Variants in KCNK10 observed in about 807,000 individuals in gnomAD.
KCNK10 encodes the protein potassium channel subfamily K member 10.
A neutral mutation model predicts 47.7 loss-of-function variants in KCNK10; 25 were observed. The observed-to-expected ratio is 0.52, with a 90% CI of 0.38 to 0.73. The LOEUF (loss-of-function observed/expected upper bound fraction) is 0.73, where lower values mean the gene tolerates loss of function less well. KCNK10 is among the 30% of genes least tolerant of loss of function. The pLI is 0.00. For synonymous variants in KCNK10, 303 were observed against 285.6 expected (o/e 1.06, Z -0.61); for missense variants, 563 against 714.5 (o/e 0.79, Z 2.42).
chr14:88,215,557 T>A (rs768726075), intron 4 of KCNK10, among the ~76,000 whole-genome samples: 1 of 152,174 alleles, frequency 6.6e-6, no homozygotes, highest in Non-Finnish European at 1.5e-5. Context: ...GTGACTTATA[T>A]CTAGGCTTTG....
intron 4 of KCNK10, among the ~76,000 whole-genome samples, chr14:88,208,969 G>T (rs79225073): frequency 6.6e-6 from 1 of 152,242 alleles, no homozygotes; most frequent in South Asian, 2.1e-4. Context: ...CCCCAGGCTC[G>T]TATAGAAAGA....
At chr14:88,247,445 C>T (rs865914933) in intron 2 of KCNK10, among the ~76,000 whole-genome samples, 1 of 152,206 alleles carries the variant, frequency 6.6e-6, no homozygotes, top group Admixed American at 6.5e-5. Context: ...GAAAGAGGCA[C>T]CTTCAGTGCT....
At chr14:88,251,011 G>A (rs1018718832) in intron 2 of KCNK10, among the ~76,000 whole-genome samples, 1 of 152,022 alleles carries the variant, frequency 6.6e-6, no homozygotes, top group Non-Finnish European at 1.5e-5. Flanking sequence ...GAGGTGGGCA[G>A]ATCACAAGGT....
At chr14:88,321,500 TG>T (rs1317368197) in intron 1 of KCNK10, among the ~76,000 whole-genome samples, 2 of 152,222 alleles carry the variant, frequency 1.3e-5, no homozygotes, top group African/African-American at 4.8e-5. Context: ...GTGTTTAGCA[TG>T]TAATAGGTAT....
At chr14:88,219,326 C>T (rs1316399299) in intron 4 of KCNK10, among the ~76,000 whole-genome samples, 3 of 152,338 alleles carry the variant, frequency 2.0e-5, no homozygotes, top group South Asian at 2.1e-4. Flanking sequence ...TTTGCAGCTA[C>T]GAATGGGACC....
intron 1 of KCNK10, among the ~76,000 whole-genome samples, chr14:88,268,308 C>T (rs372622295): frequency 6.6e-6 from 1 of 152,168 alleles, no homozygotes; most frequent in African/African-American, 2.4e-5. Flanking sequence ...GCAACGTACC[C>T]GCAGTGCAAG....
intron 1 of KCNK10, among the ~76,000 whole-genome samples, chr14:88,284,149 T>C (rs1887714113): frequency 6.6e-6 from 1 of 152,034 alleles, no homozygotes; most frequent in African/African-American, 2.4e-5. Flanking sequence ...AAGACTTTTT[T>C]AGGACCCAAA....
chr14:88,250,131 C>T (rs1232233829), intron 2 of KCNK10, among the ~76,000 whole-genome samples: 1 of 152,110 alleles, frequency 6.6e-6, no homozygotes, highest in African/African-American at 2.4e-5. Context: ...TTTTTTAGAA[C>T]ATTGAATTCT....
intron 1 of KCNK10, among the ~76,000 whole-genome samples, chr14:88,303,160 G>C (rs1242019079): frequency 6.6e-6 from 1 of 152,168 alleles, no homozygotes; most frequent in Non-Finnish European, 1.5e-5. Flanking sequence ...GTGATCAAGA[G>C]AGGCAGGGCA....
intron 1 of KCNK10, among the ~76,000 whole-genome samples, chr14:88,307,060 G>C (rs931264670): frequency 3.3e-5 from 5 of 152,182 alleles, no homozygotes; most frequent in African/African-American, 1.2e-4. Context: ...GCATGATGCA[G>C]AGGTCCAACC....
chr14:88,296,259 C>G (rs895761757), intron 1 of KCNK10, among the ~76,000 whole-genome samples: 1 of 152,186 alleles, frequency 6.6e-6, no homozygotes, highest in African/African-American at 2.4e-5. Flanking sequence ...GGAGCAAAGC[C>G]TGAATCCTGG....
At chr14:88,302,577 G>A (rs1458280605) in intron 1 of KCNK10, among the ~76,000 whole-genome samples, 3 of 152,198 alleles carry the variant, frequency 2.0e-5, no homozygotes, top group Admixed American at 2.0e-4. Context: ...AGGTGTGGTG[G>A]CACATGCCTG....
chr14:88,259,881 A>T (rs1887060631), intron 2 of KCNK10, among the ~76,000 whole-genome samples: 2 of 152,132 alleles, frequency 1.3e-5, no homozygotes, highest in Admixed American at 1.3e-4. Context: ...GTGGGGGCAG[A>T]TTTCCCTCTT....
chr14:88,292,939 A>G (rs1334411385), intron 1 of KCNK10, among the ~76,000 whole-genome samples: 2 of 152,178 alleles, frequency 1.3e-5, no homozygotes, highest in Non-Finnish European at 2.9e-5. Flanking sequence ...AGAGCTTTGA[A>G]TTGGATGAGA....
rs765155326 is a variant in KCNK10 at position 88,180,426 on chromosome 14, T to C, written c.*5109A>G. ...GGAGGCCAGAGGCTGGCATGTGAGG[T>C]GGTTTGCATATCACTTCTAGGCACC... is the stretch of plus-strand genomic sequence containing the variant. On this transcript the variant is annotated 3_prime_UTR_variant, in exon 7 of 7. Transcript: ENST00000319231. The C allele has an allele frequency of 1.7e-5, 3 of 177,008 alleles. No individual in the cohort carries two copies. Among genetic ancestry groups the C allele is most frequent in the Non-Finnish European group, 3.5e-5 (3 of 84,940 alleles). The allele number at this position is 177,008 out of a possible 1,614,324, so 11.0% of individuals were successfully genotyped here. A position where few individuals can be genotyped will look rare whatever the true frequency, so the allele number is the denominator to read the frequency against.
intron 1 of KCNK10, among the ~76,000 whole-genome samples, chr14:88,303,047 A>C (rs1355514793): frequency 6.6e-6 from 1 of 152,156 alleles, no homozygotes; most frequent in East Asian, 1.9e-4. Context: ...AGAAATGTGC[A>C]TGGGGCTTGC....
chr14:88,292,464 C>T (rs569176361), intron 1 of KCNK10, among the ~76,000 whole-genome samples: 1 of 152,172 alleles, frequency 6.6e-6, no homozygotes, highest in Non-Finnish European at 1.5e-5. Context: ...ATTCTCCTGC[C>T]TCAGCATCCT....
At chr14:88,189,273 T>A (rs1234727505) in intron 5 of KCNK10, among the ~76,000 whole-genome samples, 1 of 152,132 alleles carries the variant, frequency 6.6e-6, no homozygotes, top group Non-Finnish European at 1.5e-5. Flanking sequence ...CTTCTTAACG[T>A]TAGAATTCCA....
At chr14:88,188,412 ACT>A (rs1262323178) in intron 5 of KCNK10, among the ~76,000 whole-genome samples, 2 of 152,112 alleles carry the variant, frequency 1.3e-5, no homozygotes, top group Non-Finnish European at 2.9e-5. Flanking sequence ...AGGATGAATA[ACT>A]CTGAACTACA....
Sources: gnomAD v4.1 joint callset for allele counts (sites outside exome capture counted in the v4.1 genomes callset) on GRCh38, gnomAD v4.1.1 for gene constraint, MANE v1.5 for transcripts, NCBI Gene and HGNC (gene_info 2026-07-23, HGNC 2026-07-21) for gene names.